Variants in PPP1CB observed in about 807,000 individuals in gnomAD.
The protein encoded by PPP1CB is protein phosphatase 1 catalytic subunit beta.
PPP1CB carries 2 observed loss-of-function variants against 43.7 expected under a neutral mutation model. The ratio of observed to expected loss-of-function variants is 0.05; its 90% CI spans 0.02 to 0.14. PPP1CB has a LOEUF of 0.14. PPP1CB is among the 10% of genes least tolerant of loss of function. PPP1CB has a pLI of 1.00. For missense variants in PPP1CB, 84 were observed against 398.0 expected, an observed-to-expected ratio of 0.21 and a Z score of 6.71; for synonymous variants, 136 against 135.6, an observed-to-expected ratio of 1.00 and a Z score of -0.02.
At chr2:28,754,155 A>G (rs567367053) in intron 1 of PPP1CB, among the ~76,000 whole-genome samples, 1 of 152,246 alleles carries the variant, frequency 6.6e-6, no homozygotes, top group South Asian at 2.1e-4. Context: ...AAACAGATTT[A>G]TGTTTTAAAA....
At chr2:28,790,537 A>G (rs1046970420) in intron 6 of PPP1CB, among the ~76,000 whole-genome samples, 1 of 152,028 alleles carries the variant, frequency 6.6e-6, no homozygotes, top group African/African-American at 2.4e-5. Flanking sequence ...ACGGGGTTTC[A>G]CTATACTGGC....
chr2:28,781,683 A>G (rs1052085433), intron 3 of PPP1CB, 55 bp from the exon 4 acceptor site: 112 of 1,198,442 alleles, frequency 9.3e-5, no homozygotes, highest in Admixed American at 8.6e-5. Context: ...GCTTTGAGAT[A>G]ACTGATGAGA....
chr2:28,760,731 T>G (rs994275316), intron 1 of PPP1CB, among the ~76,000 whole-genome samples: 4 of 152,244 alleles, frequency 2.6e-5, no homozygotes, highest in Admixed American at 6.5e-5. Context: ...TTACATAGCT[T>G]TCACTAATGT....
intron 6 of PPP1CB, among the ~76,000 whole-genome samples, chr2:28,789,228 T>C (rs1667336172): frequency 6.6e-6 from 1 of 152,024 alleles, no homozygotes; most frequent in Non-Finnish European, 1.5e-5. Flanking sequence ...ATTTTGGGGC[T>C]GGGCATGGTG....
At chr2:28,792,009 C>G (rs148543388) in intron 6 of PPP1CB, among the ~76,000 whole-genome samples, 209 of 152,140 alleles carry the variant, frequency 1.4e-3, no homozygotes, top group African/African-American at 4.8e-3. Context: ...CCAGCCTGGG[C>G]AACACAGTGA....
In PPP1CB at chr2:28,752,158, A is replaced by G. The variant is rs1223651476; in HGVS notation, c.34A>G (p.Ile12Val). ...ADGELNVDSL[I>V]TRLLEVRGCR... is the part of the protein sequence containing the mutation. ...CGGGGAGCTGAACGTGGACAGCCTC[A>G]TCACCCGGCTGCTGGAGGGTGAGTG... The change falls in exon 1 of 8, where the codon ATC (isoleucine) becomes GTC (valine). Residue 12 changes from isoleucine to valine, a missense_variant. Physicochemically the swap from Ile to Val is conservative, Grantham distance 29. Around this residue, in one of 5 missense-constraint regions of PPP1CB, gnomAD observed 27 missense variants for 42.7 expected, o/e 0.63. Transcript: ENST00000395366. 3 of 1,548,052 alleles carry G rather than the reference A, an allele frequency of 1.9e-6. No homozygotes were observed. The highest frequency in any genetic ancestry group is 2.0e-5 in the Admixed American group (1 of 50,884).
At chr2:28,755,712 T>A (rs1666474354) in intron 1 of PPP1CB, among the ~76,000 whole-genome samples, 1 of 152,198 alleles carries the variant, frequency 6.6e-6, no homozygotes, top group Non-Finnish European at 1.5e-5. Context: ...AAGTTTATTT[T>A]GGAGGAAGTG....
intron 1 of PPP1CB, among the ~76,000 whole-genome samples, chr2:28,770,583 AAAC>A (rs1666885186): frequency 6.6e-6 from 1 of 152,158 alleles, no homozygotes; most frequent in Non-Finnish European, 1.5e-5. Context: ...TATAGGTCTA[AAAC>A]TAAAAGGAAA....
At chr2:28,779,143 T>A in intron 3 of PPP1CB, 104 bp downstream of exon 3, 1 of 862,690 alleles carries the variant, frequency 1.2e-6, no homozygotes, top group Non-Finnish European at 1.7e-6. Flanking sequence ...CAAAATAAGA[T>A]CTGTCAGGCA....
At chr2:28,798,871 CAG>C (rs1427652015) in intron 7 of PPP1CB, among the ~76,000 whole-genome samples, 1 of 152,026 alleles carries the variant, frequency 6.6e-6, no homozygotes, top group Non-Finnish European at 1.5e-5. Context: ...GTTACTGTAT[CAG>C]AATTATGATG....
At chr2:28,753,826 C>T (rs1014598994) in intron 1 of PPP1CB, among the ~76,000 whole-genome samples, 7 of 152,106 alleles carry the variant, frequency 4.6e-5, no homozygotes, top group Admixed American at 3.9e-4. Flanking sequence ...CTCCGCCTCC[C>T]GGGTTCGAGC....
chr2:28,756,256 T>G (rs1666486651), intron 1 of PPP1CB, among the ~76,000 whole-genome samples: 1 of 152,250 alleles, frequency 6.6e-6, no homozygotes, highest in South Asian at 2.1e-4. Flanking sequence ...TTGTAGAATA[T>G]TAGCACTGTG....
rs2148065710 is a variant in PPP1CB, at chr2:28,801,379, G to A, written c.*2076G>A. 1 of 151,610 alleles carries A rather than the reference G, an allele frequency of 6.6e-6. No individual in the cohort carries two copies. Among genetic ancestry groups the A allele is most frequent in the South Asian group, 2.1e-4 (1 of 4,796 alleles). 9.4% of individuals were successfully genotyped at this position (151,610 alleles called of 1,614,324 possible). ...CACATTAATCTGTATCCCATTGTCT[G>A]GCTTTTGTAAATTCATCCAGGTCAA... is the stretch of plus-strand genomic sequence containing the variant. On this transcript the variant is annotated 3_prime_UTR_variant, in exon 8 of 8. Transcript: ENST00000395366.
At position 28,801,842 on chromosome 2, in the gene PPP1CB, C is replaced by T. The variant is rs1032414198; in HGVS notation, c.*2539C>T. The T allele has an allele frequency of 1.3e-5, 2 of 152,114 alleles. No individual in the cohort carries two copies. Among genetic ancestry groups the T allele is most frequent in the African/African-American group, 4.8e-5 (2 of 41,438 alleles). The allele number at this position is 152,114 out of a possible 1,614,324, so 9.4% of individuals were successfully genotyped here. On this transcript the variant is annotated 3_prime_UTR_variant, in exon 8 of 8. Transcript: ENST00000395366. The stretch of plus-strand genomic sequence containing the variant: ...AGCAAAGTTATGGTCGATTTCTATT[C>T]TTGAAAGAATCAACTACAGTGAATC...
At chr2:28,768,568 C>G (rs1357126852) in intron 1 of PPP1CB, among the ~76,000 whole-genome samples, 5 of 152,132 alleles carry the variant, frequency 3.3e-5, no homozygotes, top group Non-Finnish European at 5.9e-5. Flanking sequence ...CTTATTACAC[C>G]CTGAGTTTTC....
intron 1 of PPP1CB, among the ~76,000 whole-genome samples, chr2:28,772,765 C>T (rs1341431104): frequency 6.6e-6 from 1 of 152,022 alleles, no homozygotes; most frequent in East Asian, 1.9e-4. Context: ...GTTAAGCATC[C>T]GTAATCTGAT....
At chr2:28,788,908 A>C in intron 6 of PPP1CB, 99 bp downstream of exon 6, 2 of 1,242,232 alleles carry the variant, frequency 1.6e-6, no homozygotes, top group South Asian at 3.2e-5. Context: ...CCCAGGCTGG[A>C]GTGCAATGGC....
chr2:28,769,272 G>A (rs1159482162), intron 1 of PPP1CB, among the ~76,000 whole-genome samples: 2 of 152,140 alleles, frequency 1.3e-5, no homozygotes, highest in African/African-American at 4.8e-5. Context: ...TTTTGCTCGT[G>A]TGGCCGAGGC....
At chr2:28,785,116 C>A (rs1048007312) in intron 5 of PPP1CB, among the ~76,000 whole-genome samples, 2 of 103,922 alleles carry the variant, frequency 1.9e-5, no homozygotes, top group African/African-American at 7.3e-5. Flanking sequence ...TGCCCTGTCA[C>A]CAGGCTGGGG....
Sources: allele counts gnomAD v4.1 joint callset (sites outside exome capture counted in the v4.1 genomes callset), GRCh38; gene constraint gnomAD v4.1.1; regional missense constraint gnomAD v4.1.1; transcripts MANE v1.5; gene names NCBI Gene and HGNC (gene_info 2026-07-23, HGNC 2026-07-21).